NID1: variants seen among roughly 807,000 people sequenced by gnomAD.
NID1 encodes the protein nidogen 1.
Under a neutral mutation model 130.6 loss-of-function variants are expected in NID1, and 76 were observed. The ratio of observed to expected loss-of-function variants is 0.58; its 90% CI spans 0.48 to 0.70. NID1 has a LOEUF of 0.70. Among genes scored for constraint, NID1 ranks in the 30% least tolerant of loss-of-function variants. The pLI is 0.00. For missense variants in NID1, 1,517 were observed against 1,664.8 expected, an observed-to-expected ratio of 0.91 and a Z score of 1.54; for synonymous variants, 665 against 675.1, an observed-to-expected ratio of 0.98 and a Z score of 0.23.
intron 12 of NID1, among the ~76,000 whole-genome samples, chr1:236,004,533 C>T (rs1474701731): frequency 2.0e-5 from 3 of 151,704 alleles, no homozygotes; most frequent in Non-Finnish European, 4.4e-5. Context: ...GAAGCCAAGG[C>T]GAGTGGATCA....
At chr1:236,034,973 C>CTTTT (rs11371749) in intron 5 of NID1, among the ~76,000 whole-genome samples, 5 of 131,660 alleles carry the variant, frequency 3.8e-5, no homozygotes, top group South Asian at 2.4e-4. Flanking sequence ...GCAGAGTTTT[C>CTTTT]TTTTTTTTTT....
At chr1:235,995,981 C>A (rs2102803622) in intron 12 of NID1, among the ~76,000 whole-genome samples, 1 of 152,230 alleles carries the variant, frequency 6.6e-6, no homozygotes, top group East Asian at 1.9e-4. Context: ...CACAGCAAGA[C>A]CTATATCTAT....
chr1:236,048,249 G>C (rs1488165465), intron 2 of NID1, among the ~76,000 whole-genome samples: 1 of 150,934 alleles, frequency 6.6e-6, no homozygotes, highest in African/African-American at 2.4e-5. Flanking sequence ...ACAGGAGAAT[G>C]GTGTGAACCG....
intron 4 of NID1, 26 bp from the exon 5 acceptor site, chr1:236,038,279 C>T (rs758168350): frequency 6.9e-6 from 11 of 1,600,258 alleles, no homozygotes; most frequent in African/African-American, 1.3e-5. Context: ...AATTGCACAC[C>T]TGTAAGCATT....
intron 4 of NID1, among the ~76,000 whole-genome samples, chr1:236,040,203 G>C (rs3768087): frequency 0.21 from 32,390 of 152,042 alleles, 4,145 homozygotes; most frequent in Admixed American, 0.34. Context: ...ACATCTGGGG[G>C]AGATGACTCC....
intron 12 of NID1, among the ~76,000 whole-genome samples, chr1:236,010,567 T>C (rs1463464926): frequency 6.6e-6 from 1 of 152,220 alleles, no homozygotes; most frequent in Non-Finnish European, 1.5e-5. Context: ...CCCAAAATGC[T>C]AGGATTACAG....
intron 1 of NID1, among the ~76,000 whole-genome samples, chr1:236,058,596 C>A (rs1360234536): frequency 1.3e-5 from 2 of 152,214 alleles, no homozygotes; most frequent in Non-Finnish European, 2.9e-5. Context: ...TTAACGTGAA[C>A]TTTCAGATAG....
intron 11 of NID1, among the ~76,000 whole-genome samples, chr1:236,012,419 A>T (rs1658456314): frequency 6.6e-6 from 1 of 152,104 alleles, no homozygotes; most frequent in Non-Finnish European, 1.5e-5. Context: ...TTAGCTGGGC[A>T]TGGTGACACG....
chr1:236,057,249 A>T (rs929899785), intron 1 of NID1, among the ~76,000 whole-genome samples: 15 of 152,186 alleles, frequency 9.9e-5, no homozygotes, highest in African/African-American at 3.6e-4. Context: ...ACAGAGAGAG[A>T]ATCCATCTCA....
intron 1 of NID1, 104 bp downstream of exon 1, chr1:236,064,751 G>A (rs1368361081): frequency 6.4e-6 from 7 of 1,086,200 alleles, no homozygotes; most frequent in Non-Finnish European, 9.1e-6. Context: ...GCGGCCAGCG[G>A]GTCCGGGTCC....
intron 4 of NID1, among the ~76,000 whole-genome samples, chr1:236,039,002 A>ACC (rs1659358685): frequency 9.3e-6 from 1 of 108,028 alleles, no homozygotes; most frequent in East Asian, 2.8e-4. Flanking sequence ...CATATATGTA[A>ACC]ATATATAATA....
chr1:235,977,091 C>T lies in NID1; in HGVS notation c.*776G>A, dbSNP rs1657279433. On this transcript the variant is annotated 3_prime_UTR_variant, in exon 20 of 20. Transcript: ENST00000264187. Reference sequence around the variant, plus strand: ...AGGCACATCAAAAAAATCCCCTATTCTCAAATATCTGACCTACACCTTGAA... The same window carrying T: ...AGGCACATCAAAAAAATCCCCTATTTTCAAATATCTGACCTACACCTTGAA... 1 of 152,138 alleles carries T rather than the reference C, an allele frequency of 6.6e-6. No individual in the cohort carries two copies. The highest frequency in any genetic ancestry group is 2.1e-4 in the South Asian group (1 of 4,828). The allele number at this position is 152,138 out of a possible 1,614,324, so 9.4% of individuals were successfully genotyped here. A position where few individuals can be genotyped will look rare whatever the true frequency, so the allele number is the denominator to read the frequency against.
intron 1 of NID1, among the ~76,000 whole-genome samples, chr1:236,054,443 C>A (rs925225768): frequency 4.6e-5 from 7 of 152,084 alleles, no homozygotes; most frequent in Non-Finnish European, 7.4e-5. Context: ...GCTACAAGAG[C>A]AAAACTCCAT....
At chr1:236,004,116 G>A (rs1339375830) in intron 12 of NID1, among the ~76,000 whole-genome samples, 1 of 151,916 alleles carries the variant, frequency 6.6e-6, no homozygotes. Context: ...TGACTTTTAC[G>A]AGAGCAGTTT....
Position 236,041,912 on chromosome 1 carries a change from A to G in NID1, c.1133T>C (p.Val378Ala), listed in dbSNP as rs760291731. ...IDVDEVEETGVVFSYNTDSRQ... is the reference protein window; with the variant it reads ...IDVDEVEETGAVFSYNTDSRQ... ...AACTGCAACTTAAATGGTCTTACCAACTCCTGTTTCCTCAACTTCATCCAC... is the reference window on the plus strand; with the variant it reads ...AACTGCAACTTAAATGGTCTTACCAGCTCCTGTTTCCTCAACTTCATCCAC... Residue 378 changes from valine (V) to alanine (A), a missense_variant and splice_region_variant, in exon 4 of 20, where the codon GTT becomes GCT. Val to Ala is a moderately conservative substitution (Grantham distance 64). Coordinates refer to ENST00000264187, the MANE Select transcript of NID1 (RefSeq NM_002508.3). 8 of 1,603,904 alleles carry G rather than the reference A, an allele frequency of 5.0e-6. No homozygotes were observed. In the South Asian group the frequency reaches 7.7e-5, roughly 16 times the overall value.
At chr1:236,017,389 CTTT>C in intron 9 of NID1, 116 bp from the exon 10 acceptor site, 2 of 972,218 alleles carry the variant, frequency 2.1e-6, no homozygotes, top group Admixed American at 3.3e-5. Flanking sequence ...ACAAAATTTT[CTTT>C]TTTTTTTTCC....
At position 236,065,055 on chromosome 1, in the gene NID1, G is replaced by A. The variant is rs1384517594; in HGVS notation, c.25C>T (p.Arg9Trp). The change falls in exon 1 of 20, where the codon CGG (arginine) becomes TGG (tryptophan). Residue 9 changes from arginine to tryptophan, a missense_variant. This residue lies in a region of NID1 where 1,329 missense variants were observed against 1,429.2 expected (regional missense o/e 0.93). Coordinates refer to ENST00000264187, the MANE Select transcript of NID1 (RefSeq NM_002508.3). This position sits in a 1 kb window ranked among gnomAD's most constrained non-coding sequence, Gnocchi z 4.1. Reference protein sequence around the residue: MLASSSRIRAAWTRALLLP... With the variant: MLASSSRIWAAWTRALLLP... ...AGCAGCGCCCGCGTCCACGCAGCCC[G>A]GATCCGGCTGCTCGAGGCCAACATG... is the stretch of plus-strand genomic sequence containing the variant. 2 of 1,552,144 alleles carry A rather than the reference G, an allele frequency of 1.3e-6. No individual in the cohort carries two copies. The highest frequency in any genetic ancestry group is 3.9e-5 in the Admixed American group (2 of 51,310).
chr1:236,011,967 C>A lies in NID1; in HGVS notation c.2481G>T (p.Gln827His). 2 of 1,614,240 alleles carry A rather than the reference C, an allele frequency of 1.2e-6. No homozygotes were observed. Among genetic ancestry groups the A allele is most frequent in the East Asian group, 2.2e-5 (1 of 44,888 alleles). ...CYNTPGSFTC[Q>H]CKPGYQGDGF... ...CGTCTCCCTGATAACCAGGTTTGCA[C>A]TGGCACGTGAAAGAGCCTGGAGTGT... The change falls in exon 12 of 20, where the codon CAG becomes CAT. Residue 827 changes from glutamine (Q) to histidine (H), a missense_variant. Physicochemically the swap from Gln to His is conservative, Grantham distance 24. Coordinates refer to ENST00000264187, the MANE Select transcript of NID1 (RefSeq NM_002508.3).
intron 7 of NID1, among the ~76,000 whole-genome samples, chr1:236,027,836 C>A (rs1014693573): frequency 1.3e-4 from 20 of 150,348 alleles, no homozygotes; most frequent in Non-Finnish European, 2.8e-4. Flanking sequence ...CTCAAAACAA[C>A]AACCAGAAAA....
Sources: allele counts gnomAD v4.1 joint callset (sites outside exome capture counted in the v4.1 genomes callset), GRCh38; gene constraint gnomAD v4.1.1; regional missense constraint gnomAD v4.1.1; non-coding constraint Gnocchi (gnomAD v3.1); transcripts MANE v1.5; gene names NCBI Gene and HGNC (gene_info 2026-07-23, HGNC 2026-07-21).